ZDHHC2: variants seen among roughly 807,000 people sequenced by gnomAD.
ZDHHC2 encodes zDHHC palmitoyltransferase 2, also known as palmitoyltransferase ZDHHC2.
ZDHHC2 carries 51 observed loss-of-function variants against 55.6 expected under a neutral mutation model. The observed-to-expected ratio is 0.92, with a 90% CI of 0.73 to 1.16. ZDHHC2 has a LOEUF of 1.16. ZDHHC2 is among the 50% of genes most tolerant of loss of function. The probability of loss-of-function intolerance (pLI) is 0.00; values close to 1 mark genes in which losing one functional copy is unlikely to be tolerated. For missense variants in ZDHHC2, 491 were observed against 442.4 expected, an observed-to-expected ratio of 1.11 and a Z score of -0.99; for synonymous variants, 199 against 152.9, an observed-to-expected ratio of 1.30 and a Z score of -2.22.
intron 1 of ZDHHC2, among the ~76,000 whole-genome samples, chr8:17,157,166 G>T (rs1585626894): frequency 6.6e-6 from 1 of 152,160 alleles, no homozygotes; most frequent in Non-Finnish European, 1.5e-5. Flanking sequence ...AGGTCCCCGG[G>T]ACCGCTGTGG....
rs1179698321 is a variant in ZDHHC2, at chr8:17,156,671, G to C, written c.-53G>C. 2.2e-5 allele frequency: 26 copies of C among 1,198,840 alleles called. No individual in the cohort carries two copies. The highest frequency in any genetic ancestry group is 1.3e-5 in the Non-Finnish European group (13 of 967,354). The allele number at this position is 1,198,840 out of a possible 1,614,324, so 74.3% of individuals were successfully genotyped here. The stretch of plus-strand genomic sequence containing the variant: ...GTGCCGGGCCCGCCCAGCCCGCCCC[G>C]GAGCCAGGCCCGCGGGCGGCGGCGG... On this transcript the variant is annotated 5_prime_UTR_variant, in exon 1 of 13. Coordinates refer to ENST00000262096, the MANE Select transcript of ZDHHC2 (RefSeq NM_016353.5).
intron 1 of ZDHHC2, chr8:17,162,842 G>A (rs1402884794): frequency 6.6e-6 from 1 of 152,244 alleles, no homozygotes; most frequent in African/African-American, 2.4e-5. Context: ...CCTGGCCAAT[G>A]GAAAAGGATA....
In ZDHHC2 at chr8:17,213,788, T is replaced by C. The variant is rs539786865; in HGVS notation, c.951-1449T>C. On this transcript the variant is annotated intron_variant, in intron 10 of 12. Transcript: ENST00000262096. ...GTCCCTAAACCAGGATCCCAGGATCTGGTTAGTCTTCTGTACCCGTTATAT... is the reference window on the plus strand; with the variant it reads ...GTCCCTAAACCAGGATCCCAGGATCCGGTTAGTCTTCTGTACCCGTTATAT... Among the ~76,000 whole-genome samples, 9 of 152,282 alleles carry C rather than the reference T, an allele frequency of 5.9e-5. No individual in the cohort carries two copies. The East Asian group carries it at 1.2e-3, about 20-fold the overall frequency.
Position 17,221,318 on chromosome 8 carries a change from A to G in ZDHHC2, c.*1097A>G, listed in dbSNP as rs1364865759. 1.3e-5 allele frequency: 2 copies of G among 152,576 alleles called. No individual in the cohort carries two copies. The highest frequency in any genetic ancestry group is 4.8e-5 in the African/African-American group (2 of 41,460). 9.5% of individuals were successfully genotyped at this position (152,576 alleles called of 1,614,324 possible). ...TTGGAAATTTAGTTTGAGATAAACT[A>G]AAGTGTGTTGATGCCAGAATGTTCA... On this transcript the variant is annotated 3_prime_UTR_variant, in exon 13 of 13. Coordinates refer to ENST00000262096, the MANE Select transcript of ZDHHC2 (RefSeq NM_016353.5).
rs1218520700 is a variant in ZDHHC2 at position 17,216,129 on chromosome 8, C to T, written c.1063+780C>T. On this transcript the variant is annotated intron_variant, in intron 11 of 12. Coordinates refer to ENST00000262096, the MANE Select transcript of ZDHHC2 (RefSeq NM_016353.5). ...TAAAGCCATACATCTGTGATTAAGG[C>T]GTTATTAGCCAGAAAATCTTCAGAT... is the stretch of plus-strand genomic sequence containing the variant. 3.3e-5 allele frequency among the ~76,000 whole-genome samples: 5 copies of T among 152,132 alleles called. No homozygotes were observed. In the South Asian group the frequency reaches 6.2e-4, roughly 19 times the overall value.
At chr8:17,195,833 AT>A (rs11331894) in intron 4 of ZDHHC2, among the ~76,000 whole-genome samples, 3,377 of 152,302 alleles carry the variant, frequency 0.022, 54 homozygotes, top group Middle Eastern at 0.051. Flanking sequence ...TCGCAAGGAA[AT>A]CAGAACTGAC....
At chr8:17,176,714 A>G (rs1041825487) in intron 1 of ZDHHC2, among the ~76,000 whole-genome samples, 2 of 152,148 alleles carry the variant, frequency 1.3e-5, no homozygotes, top group African/African-American at 4.8e-5. Context: ...CCAGAGTGAC[A>G]GAAGCATCAT....
rs1282857708 is a variant in ZDHHC2, at chr8:17,221,650, T to C, written c.*1429T>C. ...AATAAAAGATCATTGCAATTACTTA[T>C]CCTTCCTAAAAATATAGTTTTATAT... On this transcript the variant is annotated 3_prime_UTR_variant, in exon 13 of 13. Transcript: ENST00000262096. The C allele has an allele frequency of 1.3e-5, 2 of 152,482 alleles. No individual in the cohort carries two copies. The highest frequency in any genetic ancestry group is 4.8e-5 in the African/African-American group (2 of 41,462). 9.4% of individuals were successfully genotyped at this position (152,482 alleles called of 1,614,324 possible).
intron 3 of ZDHHC2, among the ~76,000 whole-genome samples, chr8:17,191,437 A>G (rs1806022663): frequency 6.6e-6 from 1 of 152,110 alleles, no homozygotes; most frequent in South Asian, 2.1e-4. Flanking sequence ...GTTACCGTTA[A>G]CTTTCCCCAC....
At chr8:17,177,297 GT>G (rs919458184) in intron 1 of ZDHHC2, among the ~76,000 whole-genome samples, 3 of 152,144 alleles carry the variant, frequency 2.0e-5, no homozygotes, top group African/African-American at 7.2e-5. Flanking sequence ...GTAAAAGGAG[GT>G]TGGGGGTAGA....
chr8:17,210,354 A>G (rs1407355466), intron 9 of ZDHHC2, 34 bp from the exon 10 acceptor site: 3 of 1,590,924 alleles, frequency 1.9e-6, no homozygotes, highest in Middle Eastern at 1.7e-4. Context: ...TGTCTTTTGT[A>G]TGGTTCAGTT....
intron 1 of ZDHHC2, among the ~76,000 whole-genome samples, chr8:17,179,620 A>C (rs186115919): frequency 6.6e-6 from 1 of 152,210 alleles, no homozygotes; most frequent in East Asian, 1.9e-4. Context: ...TGTGTTGTCC[A>C]GGCTGATCTC....
rs1488637790 is a variant in ZDHHC2, at chr8:17,222,630, A to C, written c.*2409A>C. ...ATGTAGGGAAGAGGATTGTTATTTC[A>C]AAGATATATTAAAGAACAGTTGCAT... On this transcript the variant is annotated 3_prime_UTR_variant, in exon 13 of 13. Coordinates refer to ENST00000262096, the MANE Select transcript of ZDHHC2 (RefSeq NM_016353.5). The C allele has an allele frequency of 2.6e-5, 4 of 151,898 alleles. No individual in the cohort carries two copies. Among genetic ancestry groups the C allele is most frequent in the Admixed American group, 2.6e-4 (4 of 15,226 alleles). 9.4% of individuals were successfully genotyped at this position (151,898 alleles called of 1,614,324 possible).
intron 11 of ZDHHC2, among the ~76,000 whole-genome samples, chr8:17,216,942 C>G (rs1807679136): frequency 6.6e-6 from 1 of 151,996 alleles, no homozygotes; most frequent in African/African-American, 2.4e-5. Flanking sequence ...CCTCAGATGT[C>G]TATTTCTGTT....
chr8:17,209,190 G>A (rs1807250444), intron 8 of ZDHHC2, among the ~76,000 whole-genome samples: 1 of 152,140 alleles, frequency 6.6e-6, no homozygotes, highest in Admixed American at 6.6e-5. Flanking sequence ...GAGCCTCTCT[G>A]AACCAGCTTC....
At chr8:17,194,824 A>G (rs894682738) in intron 3 of ZDHHC2, among the ~76,000 whole-genome samples, 2 of 152,142 alleles carry the variant, frequency 1.3e-5, no homozygotes, top group African/African-American at 4.8e-5. Context: ...TTGTATTTCA[A>G]ACAATGATAC....
intron 1 of ZDHHC2, among the ~76,000 whole-genome samples, chr8:17,158,171 C>T (rs1804158707): frequency 1.3e-5 from 2 of 151,910 alleles, no homozygotes; most frequent in South Asian, 2.1e-4. Context: ...TTTAGGTATG[C>T]AGTCGTCAAG....
chr8:17,195,658 T>C, intron 4 of ZDHHC2, 34 bp downstream of exon 4: 2 of 1,612,212 alleles, frequency 1.2e-6, no homozygotes, highest in Non-Finnish European at 1.7e-6. Context: ...TGCAATGGTA[T>C]GCAAATAACA....
chr8:17,221,316 C>G lies in ZDHHC2; in HGVS notation c.*1095C>G, dbSNP rs901160284. The G allele has an allele frequency of 2.6e-5, 4 of 152,398 alleles. No individual in the cohort carries two copies. Among genetic ancestry groups the G allele is most frequent in the Admixed American group, 1.3e-4 (2 of 15,250 alleles). 9.4% of individuals were successfully genotyped at this position (152,398 alleles called of 1,614,324 possible). A position where few individuals can be genotyped will look rare whatever the true frequency, so the allele number is the denominator to read the frequency against. On this transcript the variant is annotated 3_prime_UTR_variant, in exon 13 of 13. Coordinates refer to ENST00000262096, the MANE Select transcript of ZDHHC2 (RefSeq NM_016353.5). ...ATTTGGAAATTTAGTTTGAGATAAA[C>G]TAAAGTGTGTTGATGCCAGAATGTT...
Sources: allele counts gnomAD v4.1 joint callset (sites outside exome capture counted in the v4.1 genomes callset), GRCh38; gene constraint gnomAD v4.1.1; transcripts MANE v1.5; gene names NCBI Gene and HGNC (gene_info 2026-07-23, HGNC 2026-07-21).